Variants in MAPK10 observed in about 807,000 individuals in gnomAD.
The protein encoded by MAPK10 is JNK3 alpha protein kinase.
MAPK10 carries 25 observed loss-of-function variants against 59.3 expected under a neutral mutation model. The observed-to-expected ratio is 0.42, with a 90% CI of 0.31 to 0.59. The LOEUF (loss-of-function observed/expected upper bound fraction) is 0.59. MAPK10 is among the 20% of genes least tolerant of loss of function. The pLI, the probability that MAPK10 is intolerant of heterozygous loss-of-function variation, is 0.15. For missense variants in MAPK10, 351 were observed against 568.9 expected (o/e 0.62, Z 3.90); for synonymous variants, 190 against 200.5 (o/e 0.95, Z 0.44).
intron 2 of MAPK10, among the ~76,000 whole-genome samples, chr4:86,205,962 T>C (rs950372978): frequency 1.1e-4 from 16 of 151,946 alleles, no homozygotes; most frequent in Non-Finnish European, 2.2e-4. Flanking sequence ...ACCCTGCAAA[T>C]GAAATGAAAT....
chr4:86,067,828 G>A lies in MAPK10; in HGVS notation c.930C>T (p.Pro310=). 1 of 1,613,980 alleles carries A rather than the reference G, an allele frequency of 6.2e-7. No homozygotes were observed. Among genetic ancestry groups the A allele is most frequent in the East Asian group, 2.2e-5 (1 of 44,866 alleles). Residue 310 remains proline (P), a synonymous_variant, in exon 10 of 14, where the codon CCC becomes CCT. Coordinates refer to ENST00000641462, the MANE Select transcript of MAPK10 (RefSeq NM_138982.4). ...GGAAGAGGGAATCTGGGAAGAGTTT[G>A]GGGAAGGTGAGTCCCGCATACTTGG... ...NRPKYAGLTF[P]KLFPDSLFPA...
intron 1 of MAPK10, among the ~76,000 whole-genome samples, chr4:86,429,994 T>A (rs1312263808): frequency 4.6e-5 from 7 of 152,140 alleles, no homozygotes. Flanking sequence ...ACCATTGAAG[T>A]TATTTTTGGT....
chr4:86,151,207 G>A (rs1177163894), intron 4 of MAPK10, among the ~76,000 whole-genome samples: 1 of 152,154 alleles, frequency 6.6e-6, no homozygotes, highest in East Asian at 1.9e-4. Context: ...TTAGGAGATT[G>A]AAGGGGAAAT....
At position 86,471,139 on chromosome 4, in the gene MAPK10, C is replaced by T. The variant is rs576680300; in HGVS notation, c.-262-116495G>A. 3.6e-4 allele frequency among the ~76,000 whole-genome samples: 54 copies of T among 151,772 alleles called. 1 individual carries two copies. The highest frequency in any genetic ancestry group is 1.2e-3 in the African/African-American group (51 of 41,394). ...CAAAAATTAGCTGGGTGTGGTGGCA[C>T]GTGCCTGTAATCCCAATTACTCAGG... is the stretch of plus-strand genomic sequence containing the variant. On this transcript the variant is annotated intron_variant, in intron 1 of 4. Coordinates refer to the MAPK10 transcript ENST00000502302.
chr4:86,192,146 A>C (rs1163656410), intron 3 of MAPK10: 1 of 152,200 alleles, frequency 6.6e-6, no homozygotes, highest in African/African-American at 2.4e-5. Context: ...ATTTGCTGTT[A>C]GTCTGATCGG....
At chr4:86,371,778 G>A (rs1264888457) in intron 1 of MAPK10, among the ~76,000 whole-genome samples, 1 of 152,144 alleles carries the variant, frequency 6.6e-6, no homozygotes, top group Non-Finnish European at 1.5e-5. Flanking sequence ...AGCACAAGGG[G>A]TCAGGGAACT....
chr4:86,125,578 C>A (rs1402903918), intron 4 of MAPK10: 3 of 152,016 alleles, frequency 2.0e-5, no homozygotes, highest in African/African-American at 7.2e-5. Flanking sequence ...GTCACTCCCC[C>A]AAGAAAAAGA....
chr4:86,312,097 G>C (rs2095683285), intron 2 of MAPK10, among the ~76,000 whole-genome samples: 1 of 152,012 alleles, frequency 6.6e-6, no homozygotes. Flanking sequence ...AATATATATG[G>C]ACATAGAATT....
chr4:86,580,889 A>G (rs1432972375), intron 1 of MAPK10, among the ~76,000 whole-genome samples: 1 of 152,128 alleles, frequency 6.6e-6, no homozygotes, highest in East Asian at 1.9e-4. Flanking sequence ...ACATATCTCT[A>G]CTTCCTGCGG....
intron 9 of MAPK10, among the ~76,000 whole-genome samples, chr4:86,070,810 G>T (rs1489938140): frequency 1.3e-5 from 2 of 151,832 alleles, no homozygotes; most frequent in Admixed American, 6.6e-5. Context: ...ATTTGGGTTG[G>T]TTCCAAGTCT....
chr4:86,218,028 T>C (rs936724900), intron 2 of MAPK10, among the ~76,000 whole-genome samples: 1 of 152,108 alleles, frequency 6.6e-6, no homozygotes, highest in African/African-American at 2.4e-5. Context: ...ATTCCAATTA[T>C]CATCACACTG....
At chr4:86,233,369 T>C (rs1038487651) in intron 2 of MAPK10, among the ~76,000 whole-genome samples, 1 of 152,160 alleles carries the variant, frequency 6.6e-6, no homozygotes, top group African/African-American at 2.4e-5. Context: ...AACCATAGTA[T>C]GGAGAAAAGC....
At chr4:86,246,611 T>A (rs1406950341) in intron 2 of MAPK10, among the ~76,000 whole-genome samples, 1 of 152,246 alleles carries the variant, frequency 6.6e-6, no homozygotes, top group East Asian at 1.9e-4. Flanking sequence ...GTGCTTACCA[T>A]GTGTTCTTAG....
chr4:86,433,720 A>G (rs1349449461), intron 1 of MAPK10, among the ~76,000 whole-genome samples: 3 of 151,582 alleles, frequency 2.0e-5, no homozygotes, highest in Non-Finnish European at 4.4e-5. Context: ...TTCTTTAAAA[A>G]CTGCTGGACC....
At chr4:86,170,519 GCTAA>G (rs1488122601) in intron 3 of MAPK10, among the ~76,000 whole-genome samples, 3 of 152,060 alleles carry the variant, frequency 2.0e-5, no homozygotes, top group Admixed American at 1.3e-4. Context: ...AACAAGAAGA[GCTAA>G]CTATCCTAAA....
At chr4:86,185,419 A>G (rs2077968834) in intron 3 of MAPK10, among the ~76,000 whole-genome samples, 1 of 152,198 alleles carries the variant, frequency 6.6e-6, no homozygotes, top group African/African-American at 2.4e-5. Context: ...AGAACATTTT[A>G]GGATAGAGGT....
At chr4:86,370,689 T>C (rs144486252) in intron 1 of MAPK10, 1 of 152,108 alleles carries the variant, frequency 6.6e-6, no homozygotes, top group Non-Finnish European at 1.5e-5. Flanking sequence ...AAGTAGAAAA[T>C]ATGGATCTCA....
At chr4:86,437,783 G>A (rs1298968411) in intron 1 of MAPK10, among the ~76,000 whole-genome samples, 36 of 152,150 alleles carry the variant, frequency 2.4e-4, no homozygotes, top group South Asian at 2.1e-4. Context: ...CAGAAGACAT[G>A]TTCAAATATG....
At chr4:86,171,754 G>A (rs1427284057) in intron 3 of MAPK10, among the ~76,000 whole-genome samples, 1 of 151,522 alleles carries the variant, frequency 6.6e-6, no homozygotes, top group African/African-American at 2.4e-5. Flanking sequence ...AAGAGCTTCT[G>A]CACAGCAAAA....
Sources: allele counts gnomAD v4.1 joint callset (sites outside exome capture counted in the v4.1 genomes callset), GRCh38; gene constraint gnomAD v4.1.1; transcripts MANE v1.5; gene names NCBI Gene and HGNC (gene_info 2026-07-23, HGNC 2026-07-21).